The following IL17REL variants were observed in gnomAD, a reference collection of about 807,000 sequenced individuals.
IL17REL encodes the protein interleukin 17 receptor E like.
Under a neutral mutation model 49.0 loss-of-function variants are expected in IL17REL, and 36 were observed. That is an observed-to-expected ratio of 0.73 (90% CI 0.56 to 0.97). IL17REL has a LOEUF of 0.97. Ranked by LOEUF, IL17REL falls within the 50% of genes least tolerant of loss-of-function variation. IL17REL has a pLI of 0.00. For missense variants in IL17REL, 470 were observed against 453.9 expected, an observed-to-expected ratio of 1.04 and a Z score of -0.32; for synonymous variants, 206 against 192.4, an observed-to-expected ratio of 1.07 and a Z score of -0.58.
At chr22:50,000,637 C>G (rs1299676054) in intron 3 of IL17REL, 45 bp from the exon 5 acceptor site, 2 of 1,572,252 alleles carry the variant, frequency 1.3e-6, no homozygotes, top group Admixed American at 1.7e-5. Context: ...GAGGCACTGC[C>G]CACCCCACCC....
intron 1 of IL17REL, among the ~76,000 whole-genome samples, chr22:50,002,410 C>T (rs145314207): frequency 6.6e-6 from 1 of 152,236 alleles, no homozygotes; most frequent in East Asian, 1.9e-4. Context: ...AGACCTTCCA[C>T]CCAGTAACTC....
At chr22:49,994,368 T>G (rs2061021215), downstream of IL17REL, 1 of 152,102 alleles carries the variant, frequency 6.6e-6, no homozygotes, top group Non-Finnish European at 1.5e-5. Context: ...AGTCCCAAGG[T>G]GCTCCCTGCC....
chr22:50,010,199 A>G (rs35631333), upstream of IL17REL, among the ~76,000 whole-genome samples: 20,970 of 151,364 alleles, frequency 0.14, 1,638 homozygotes, highest in Middle Eastern at 0.3. Flanking sequence ...GGCGGAGTAT[A>G]CAGGCTGGAC....
Position 49,998,087 on chromosome 22 carries a change from C to G in IL17REL, c.775-18G>C. ...TACTGCACCTGAGGAGGGCTGGGGT[C>G]AGGCTGTGGCATCCATGCCCACCCC... On this transcript the variant is annotated intron_variant, in intron 8 of 12. Coordinates refer to ENST00000341280, the Ensembl canonical transcript of IL17REL. 6.3e-7 allele frequency: 1 copy of G among 1,591,870 alleles called. No individual in the cohort carries two copies. Among genetic ancestry groups the G allele is most frequent in the East Asian group, 2.2e-5 (1 of 44,654 alleles).
chr22:50,000,289 G>A (rs1193668722), intron 4 of IL17REL, among the ~76,000 whole-genome samples, 49 bp from the exon 6 acceptor site: 2 of 152,202 alleles, frequency 1.3e-5, no homozygotes, highest in African/African-American at 4.8e-5. Context: ...CTGCCCTCAG[G>A]GGCCATCCTC....
In IL17REL at chr22:49,998,134, C is replaced by T; in HGVS notation, c.774+3G>A. The T allele has an allele frequency of 1.2e-6, 2 of 1,602,348 alleles. No homozygotes were observed. The highest frequency in any genetic ancestry group is 1.1e-5 in the South Asian group (1 of 89,892). ...CCCCCATCCCTGCTGAGCAGGCACT[C>T]ACTCTGCGATGCACCAGCTGGCTGG... is the stretch of plus-strand genomic sequence containing the variant. On this transcript the variant is annotated splice_donor_region_variant and intron_variant, in intron 8 of 12. Coordinates refer to ENST00000341280, the Ensembl canonical transcript of IL17REL.
At position 49,998,170 on chromosome 22, in the gene IL17REL, C is replaced by T. The variant is rs767009769; in HGVS notation, c.741G>A (p.Lys247=). The T allele has an allele frequency of 1.9e-6, 3 of 1,609,764 alleles. No individual in the cohort carries two copies. In the African/African-American group the frequency reaches 4.0e-5, roughly 22 times the overall value. The change falls in exon 8 of 13, where the codon AAG becomes AAA. Residue 247 remains lysine (K), a synonymous_variant. Coordinates refer to ENST00000341280, the Ensembl canonical transcript of IL17REL. ...GCACCAGCTGGCTGGATTGCTGCAG[C>T]TTACGGCAGCCGGCCCCCGGCCCCG... is the stretch of plus-strand genomic sequence containing the variant.
At chr22:50,001,676 G>A (rs983348283) in intron 1 of IL17REL, among the ~76,000 whole-genome samples, 5 of 152,244 alleles carry the variant, frequency 3.3e-5, no homozygotes, top group African/African-American at 9.6e-5. Context: ...GGAAGCGGCC[G>A]CATCCTCACA....
In IL17REL at chr22:50,006,186, C is replaced by T. The variant is rs141218020; in HGVS notation, c.-42+2451G>A. Among the ~76,000 whole-genome samples, 1,342 of 152,162 alleles carry T rather than the reference C, an allele frequency of 8.8e-3. 108 individuals carry two copies. The highest frequency in any genetic ancestry group is 0.081 in the Admixed American group (1,238 of 15,214). Reference sequence around the variant, plus strand: ...GGTTAGCCAGAGCTGGACCAACCCTCTCCCCAAAGCCCAGGCACTGTTCCA... The same window carrying T: ...GGTTAGCCAGAGCTGGACCAACCCTTTCCCCAAAGCCCAGGCACTGTTCCA... On this transcript the variant is annotated intron_variant, in intron 1 of 12. Coordinates refer to ENST00000341280, the Ensembl canonical transcript of IL17REL.
chr22:50,001,784 G>A (rs2061081708), intron 1 of IL17REL, among the ~76,000 whole-genome samples: 1 of 152,218 alleles, frequency 6.6e-6, no homozygotes, highest in South Asian at 2.1e-4. Flanking sequence ...ATCATTTTGG[G>A]CACTGGGGGC....
chr22:50,000,708 G>A (rs761851434), intron 3 of IL17REL, 46 bp downstream of exon 4: 14 of 1,542,690 alleles, frequency 9.1e-6, no homozygotes, highest in South Asian at 1.2e-5. Context: ...GAGGAGTGGC[G>A]CCCAGTCTTC....
At chr22:50,005,480 GA>G (rs1414403721) in intron 1 of IL17REL, among the ~76,000 whole-genome samples, 1 of 152,124 alleles carries the variant, frequency 6.6e-6, no homozygotes, top group Admixed American at 6.6e-5. Context: ...GTTGACAGAG[GA>G]GGAGGCTGAG....
downstream of IL17REL, among the ~76,000 whole-genome samples, chr22:49,993,202 G>A (rs765580304): frequency 3.3e-5 from 5 of 152,228 alleles, no homozygotes; most frequent in Non-Finnish European, 5.9e-5. The surrounding 1 kb of genome is among the most constrained non-coding windows in gnomAD (Gnocchi z 6.0). Flanking sequence ...TCCCGGTGCT[G>A]GGTCGGGGCC....
At chr22:49,998,937 G>GT (rs1278474216) in intron 7 of IL17REL, among the ~76,000 whole-genome samples, 1 of 152,092 alleles carries the variant, frequency 6.6e-6, no homozygotes, top group African/African-American at 2.4e-5. Flanking sequence ...CTGTGCATGT[G>GT]TATGGGCGTG....
At position 49,998,417 on chromosome 22, in the gene IL17REL, G is replaced by GTCT. The variant is rs79102851; in HGVS notation, c.602-109_602-108insAGA. 7.9e-4 allele frequency: 782 copies of GTCT among 995,756 alleles called. 11 individuals are homozygous for GTCT. The African/African-American group carries it at 0.011, about 15-fold the overall frequency. 61.7% of individuals were successfully genotyped at this position (995,756 alleles called of 1,614,324 possible). A position where few individuals can be genotyped will look rare whatever the true frequency, so the allele number is the denominator to read the frequency against. On this transcript the variant is annotated intron_variant, in intron 7 of 12. Coordinates refer to ENST00000341280, the Ensembl canonical transcript of IL17REL. The stretch of plus-strand genomic sequence containing the variant: ...GACCACTGGGCCAGGGTCCAGCGCA[G>GTCT]TCCTATGGGTCTCTGAGCCCTGGCT...
At chr22:49,993,562 C>A (rs989521784), downstream of IL17REL, among the ~76,000 whole-genome samples, 1 of 152,196 alleles carries the variant, frequency 6.6e-6, no homozygotes, top group Admixed American at 6.5e-5. The surrounding 1 kb of genome is among the most constrained non-coding windows in gnomAD (Gnocchi z 6.0). Context: ...TGGCAGCACG[C>A]GTGTGTCCTC....
Position 49,997,380 on chromosome 22 carries a change from C to T in IL17REL, c.914G>A (p.Gly305Glu), listed in dbSNP as rs768852309. 3 of 1,613,848 alleles carry T rather than the reference C, an allele frequency of 1.9e-6. No homozygotes were observed. In the South Asian group the frequency reaches 3.3e-5, roughly 18 times the overall value. The change falls in exon 11 of 13, where the codon GGA becomes GAA. Residue 305 changes from glycine (G) to glutamate (E), a missense_variant. Transcript: ENST00000341280. Reference sequence around the variant, plus strand: ...GTTGGCAGGCAGGGAGCTGTGACTTCCTCCTGTGACACAGGTGCACCTGGA... The same window carrying T: ...GTTGGCAGGCAGGGAGCTGTGACTTTCTCCTGTGACACAGGTGCACCTGGA...
chr22:49,993,007 G>A (rs996694572), downstream of IL17REL, among the ~76,000 whole-genome samples: 8 of 152,080 alleles, frequency 5.3e-5, no homozygotes, highest in African/African-American at 4.8e-5. This position sits in a 1 kb window ranked among gnomAD's most constrained non-coding sequence, Gnocchi z 6.0. Context: ...ACGCCCCCTC[G>A]CTTACTTATG....
At chr22:49,993,506 C>T (rs1024183484), downstream of IL17REL, among the ~76,000 whole-genome samples, 3 of 152,228 alleles carry the variant, frequency 2.0e-5, no homozygotes, top group Middle Eastern at 3.4e-3. The surrounding 1 kb of genome is among the most constrained non-coding windows in gnomAD (Gnocchi z 6.0). Flanking sequence ...GGTGCTGGGG[C>T]GGCTGATCCG....
Sources: gnomAD v4.1 joint callset for allele counts (sites outside exome capture counted in the v4.1 genomes callset) on GRCh38, gnomAD v4.1.1 for gene constraint, Gnocchi (gnomAD v3.1) non-coding constraint, MANE v1.5 for transcripts, NCBI Gene and HGNC (gene_info 2026-07-23, HGNC 2026-07-21) for gene names.